PCDHA9: variants seen among roughly 807,000 people sequenced by gnomAD.
The protein encoded by PCDHA9 is protocadherin alpha 9.
In PCDHA9, 62 loss-of-function variants were observed where a neutral mutation model predicts 62.0. That is an observed-to-expected ratio of 1.00 (90% CI 0.81 to 1.23). The LOEUF (loss-of-function observed/expected upper bound fraction) is 1.23, where lower values mean the gene tolerates loss of function less well. PCDHA9 is among the 50% of genes most tolerant of loss of function. PCDHA9 has a pLI of 0.00. For synonymous variants in PCDHA9, 557 were observed against 567.6 expected (o/e 0.98, Z 0.27); for missense variants, 1,205 against 1,249.8 (o/e 0.96, Z 0.54).
intron 1 of PCDHA9, chr5:140,869,010 T>A (rs919333995): frequency 4.6e-6 from 7 of 1,523,886 alleles, no homozygotes; most frequent in Middle Eastern, 1.8e-4. Context: ...CCTTTGAAAC[T>A]TCTTAAGAAT....
At chr5:140,906,340 C>T (rs1353616474) in intron 1 of PCDHA9, among the ~76,000 whole-genome samples, 1 of 152,138 alleles carries the variant, frequency 6.6e-6, no homozygotes, top group Non-Finnish European at 1.5e-5. Flanking sequence ...CTTCATACAA[C>T]CAAGAATGCA....
chr5:140,857,484 G>C (rs1044921765), intron 1 of PCDHA9: 1 of 1,598,418 alleles, frequency 6.3e-7, no homozygotes, highest in African/African-American at 1.3e-5. Flanking sequence ...GTGTCTGCGT[G>C]GGACGCGGAC....
chr5:140,994,156 C>T (rs926993777), intron 3 of PCDHA9, among the ~76,000 whole-genome samples: 25 of 152,124 alleles, frequency 1.6e-4, no homozygotes, highest in African/African-American at 4.1e-4. Context: ...GTAGGGTCAA[C>T]GAAGGGGAAG....
intron 3 of PCDHA9, among the ~76,000 whole-genome samples, chr5:141,009,094 C>T (rs1350235475): frequency 6.6e-6 from 1 of 152,176 alleles, no homozygotes; most frequent in Non-Finnish European, 1.5e-5. Flanking sequence ...AAGAACCAAA[C>T]ATATGTTACT....
intron 1 of PCDHA9, chr5:140,968,252 C>T: frequency 1.2e-6 from 2 of 1,613,948 alleles, no homozygotes; most frequent in Non-Finnish European, 1.7e-6. Context: ...AGCCACAGAC[C>T]CAGATGAAAA....
rs1172235906 is a variant in PCDHA9, at chr5:140,871,551, C to T, written c.2394+20662C>T. 10 of 1,494,576 alleles carry T rather than the reference C, an allele frequency of 6.7e-6. No homozygotes were observed. The Admixed American group carries it at 2.5e-4, about 38-fold the overall frequency. 92.6% of individuals were successfully genotyped at this position (1,494,576 alleles called of 1,614,324 possible). ...AGTGTATGTGAAATTATTTAAAATC[C>T]AGTTTTTTTTCACGGATTTTTTAAG... On this transcript the variant is annotated intron_variant, in intron 1 of 3. Transcript: ENST00000532602.
chr5:140,953,542 A>G (rs2094901319), intron 1 of PCDHA9, among the ~76,000 whole-genome samples: 1 of 152,080 alleles, frequency 6.6e-6, no homozygotes, highest in Admixed American at 6.6e-5. Flanking sequence ...CTTCATGCTG[A>G]TTCTTTTCTC....
intron 1 of PCDHA9, among the ~76,000 whole-genome samples, chr5:140,945,224 T>G (rs1563213002): frequency 6.6e-6 from 1 of 152,016 alleles, no homozygotes; most frequent in Admixed American, 6.6e-5. Flanking sequence ...ATAAAAATAC[T>G]TAGGAATAAA....
chr5:140,910,791 G>A (rs1471299729), intron 1 of PCDHA9, among the ~76,000 whole-genome samples: 2 of 152,140 alleles, frequency 1.3e-5, no homozygotes, highest in Non-Finnish European at 2.9e-5. Context: ...ATTAAATGCA[G>A]AATCCCTGCT....
At position 140,848,676 on chromosome 5, in the gene PCDHA9, C is replaced by A. The variant is rs2150416820; in HGVS notation, c.181C>A (p.Pro61Thr). 8.2e-6 allele frequency: 13 copies of A among 1,592,292 alleles called. 1 individual carries two copies. The African/African-American group carries it at 1.1e-4, about 13-fold the overall frequency. ...GGGGCTGGAGCTGGCGGAGCTGGTG[C>A]CGCGCCTGTTCCAGTTGGATTCCAA... ...DLGLELAELV[P>T]RLFQLDSKGR... is the part of the protein sequence containing the mutation. Residue 61 changes from proline (P) to threonine (T), a missense_variant, in exon 1 of 4, where the codon CCG becomes ACG. Pro to Thr is a conservative substitution (Grantham distance 38, BLOSUM62 -1). This residue lies in a region of PCDHA9 where 208 missense variants were observed against 213.2 expected (regional missense o/e 0.98). Transcript: ENST00000532602.
At chr5:140,966,868 G>A (rs781853403) in intron 1 of PCDHA9, 47 of 1,580,198 alleles carry the variant, frequency 3.0e-5, no homozygotes, top group Non-Finnish European at 3.7e-5. Flanking sequence ...TGTTGCTGCT[G>A]CTGCTACCTG....
rs141054640 is a variant in PCDHA9 at position 140,849,634 on chromosome 5, A to G, written c.1139A>G (p.Asp380Gly). The G allele has an allele frequency of 6.8e-4, 1,094 of 1,598,766 alleles. 107 individuals are homozygous for G. Among genetic ancestry groups the G allele is most frequent in the South Asian group, 1.2e-3 (106 of 90,564 alleles). Residue 380 changes from aspartate to glycine, a missense_variant, in exon 1 of 4, where the codon GAT becomes GGT. This residue lies in a region of PCDHA9 where 887 missense variants were observed against 809.5 expected (regional missense o/e 1.10). Coordinates refer to ENST00000532602, the MANE Select transcript of PCDHA9 (RefSeq NM_031857.2). Reference sequence around the variant, plus strand: ...ATTAGTGTGATCGACCTAGACGCAGATGCCAACGGGCAGGTTACCTGCTCC... The same window carrying G: ...ATTAGTGTGATCGACCTAGACGCAGGTGCCAACGGGCAGGTTACCTGCTCC... ...ALISVIDLDA[D>G]ANGQVTCSLT...
chr5:140,903,367 T>G (rs1247838310), intron 1 of PCDHA9, among the ~76,000 whole-genome samples: 1 of 152,188 alleles, frequency 6.6e-6, no homozygotes, highest in African/African-American at 2.4e-5. Flanking sequence ...TTCAAAAATA[T>G]AGGGAGGATT....
Position 141,002,117 on chromosome 5 carries a change from C to T in PCDHA9, c.2543-7510C>T, listed in dbSNP as rs74680186. Among the ~76,000 whole-genome samples, 37 of 152,378 alleles carry T rather than the reference C, an allele frequency of 2.4e-4. 1 individual carries two copies. The East Asian group carries it at 6.0e-3, about 25-fold the overall frequency. ...GGGCTGGGCCGGAAACGGCTATAAT[C>T]ATTTAATAGCCTTTGCCGGCTGCAC... On this transcript the variant is annotated intron_variant, in intron 3 of 3. Transcript: ENST00000532602.
chr5:140,985,508 A>G (rs2097155357), intron 3 of PCDHA9, among the ~76,000 whole-genome samples: 1 of 152,160 alleles, frequency 6.6e-6, no homozygotes, highest in Admixed American at 6.5e-5. Context: ...CCTTTCATTG[A>G]TTCTGTTGCC....
chr5:141,008,526 G>A (rs2153997518), intron 3 of PCDHA9, among the ~76,000 whole-genome samples: 1 of 152,126 alleles, frequency 6.6e-6, no homozygotes, highest in Non-Finnish European at 1.5e-5. Flanking sequence ...TCAGACTCTT[G>A]GGAATGTCTT....
At chr5:140,995,317 C>T (rs1554254587) in intron 3 of PCDHA9, among the ~76,000 whole-genome samples, 1 of 152,118 alleles carries the variant, frequency 6.6e-6, no homozygotes, top group Non-Finnish European at 1.5e-5. Flanking sequence ...TCTAAGTGAA[C>T]TAACAGGTGA....
At chr5:140,928,634 C>G in intron 1 of PCDHA9, 1 of 1,614,216 alleles carries the variant, frequency 6.2e-7, no homozygotes, top group Non-Finnish European at 8.5e-7. Flanking sequence ...CACTTGGTCA[C>G]AAAAGTGGTA....
chr5:140,881,127 A>G (rs1274793505), intron 1 of PCDHA9, among the ~76,000 whole-genome samples: 1 of 152,234 alleles, frequency 6.6e-6, no homozygotes, highest in Non-Finnish European at 1.5e-5. Context: ...GTGGCTTGGT[A>G]GAGATAGTTA....
Sources: gnomAD v4.1 joint callset for allele counts (sites outside exome capture counted in the v4.1 genomes callset) on GRCh38, gnomAD v4.1.1 for gene constraint, gnomAD v4.1.1 regional missense constraint, MANE v1.5 for transcripts, NCBI Gene and HGNC (gene_info 2026-07-23, HGNC 2026-07-21) for gene names.